The following CLSTN2 variants were observed in gnomAD, a reference collection of about 807,000 sequenced individuals.
CLSTN2 encodes calsyntenin 2.
A neutral mutation model predicts 101.2 loss-of-function variants in CLSTN2; 48 were observed. That is an observed-to-expected ratio of 0.47 (90% CI 0.38 to 0.60). CLSTN2 has a LOEUF of 0.60. Among genes scored for constraint, CLSTN2 ranks in the 20% least tolerant of loss-of-function variants. CLSTN2 has a pLI of 0.00. For synonymous variants in CLSTN2, 481 were observed against 463.6 expected, an observed-to-expected ratio of 1.04 and a Z score of -0.48; for missense variants, 1,160 against 1,238.2, an observed-to-expected ratio of 0.94 and a Z score of 0.95.
At chr3:140,199,179 A>G (rs2010687351) in intron 2 of CLSTN2, among the ~76,000 whole-genome samples, 1 of 152,164 alleles carries the variant, frequency 6.6e-6, no homozygotes, top group South Asian at 2.1e-4. Flanking sequence ...TACGCAGAAT[A>G]TTGCATCAGA....
At chr3:140,478,827 G>A (rs575245) in intron 8 of CLSTN2, among the ~76,000 whole-genome samples, 36,464 of 146,748 alleles carry the variant, frequency 0.25, 4,722 homozygotes, top group African/African-American at 0.33. Context: ...GGGAGGGAGG[G>A]ATGGAAGAGG....
chr3:140,298,638 A>G (rs2087025943), intron 2 of CLSTN2, among the ~76,000 whole-genome samples: 1 of 152,214 alleles, frequency 6.6e-6, no homozygotes, highest in Admixed American at 6.5e-5. Flanking sequence ...GGATCACACA[A>G]GAAGACTCAT....
chr3:140,489,938 G>A (rs914793819), intron 8 of CLSTN2, among the ~76,000 whole-genome samples: 3 of 147,958 alleles, frequency 2.0e-5, no homozygotes, highest in Non-Finnish European at 3.0e-5. Context: ...GGTACAGGTC[G>A]TTAGTCTATA....
intron 1 of CLSTN2, among the ~76,000 whole-genome samples, chr3:140,169,061 A>G (rs556400504): frequency 1.3e-5 from 2 of 152,168 alleles, no homozygotes; most frequent in Non-Finnish European, 2.9e-5. Flanking sequence ...GTTACATTAA[A>G]TCTATATATC....
intron 1 of CLSTN2, among the ~76,000 whole-genome samples, chr3:140,086,659 T>C (rs545454165): frequency 2.8e-4 from 43 of 152,334 alleles, no homozygotes; most frequent in Non-Finnish European, 4.1e-4. Context: ...CACTTTCTTT[T>C]CTAAGTGCTC....
chr3:140,097,729 A>T (rs541670104), intron 1 of CLSTN2, among the ~76,000 whole-genome samples: 1 of 152,316 alleles, frequency 6.6e-6, no homozygotes, highest in South Asian at 2.1e-4. Context: ...TGATATTAAA[A>T]TCTACAGATG....
intron 1 of CLSTN2, among the ~76,000 whole-genome samples, chr3:140,038,031 G>T (rs530370824): frequency 4.6e-5 from 7 of 152,250 alleles, no homozygotes; most frequent in African/African-American, 1.7e-4. Flanking sequence ...CTCTATAACA[G>T]AATGATTTAT....
intron 7 of CLSTN2, among the ~76,000 whole-genome samples, chr3:140,461,955 G>T (rs539704090): frequency 7.2e-6 from 1 of 139,140 alleles, no homozygotes; most frequent in Non-Finnish European, 1.6e-5. Flanking sequence ...AAAAAATCCA[G>T]AATAAATGAA....
At chr3:140,496,615 C>G (rs918627060) in intron 8 of CLSTN2, among the ~76,000 whole-genome samples, 1 of 152,132 alleles carries the variant, frequency 6.6e-6, no homozygotes, top group African/African-American at 2.4e-5. Context: ...ATAGATGGCT[C>G]TTAGTATTTT....
intron 10 of CLSTN2, among the ~76,000 whole-genome samples, chr3:140,555,705 G>A (rs925097890): frequency 5.9e-5 from 9 of 152,094 alleles, no homozygotes; most frequent in Non-Finnish European, 1.2e-4. Flanking sequence ...TTGCTCAAAC[G>A]AGTGTCAAAG....
intron 2 of CLSTN2, among the ~76,000 whole-genome samples, chr3:140,278,911 G>C (rs562917449): frequency 6.6e-6 from 1 of 152,154 alleles, no homozygotes; most frequent in African/African-American, 2.4e-5. Flanking sequence ...TCTAGAGACA[G>C]GGTCTCACTA....
At chr3:140,179,045 T>C (rs1188549632) in intron 2 of CLSTN2, among the ~76,000 whole-genome samples, 1 of 152,186 alleles carries the variant, frequency 6.6e-6, no homozygotes, top group Admixed American at 6.5e-5. Flanking sequence ...ACACATATCA[T>C]TTAGAATCAT....
chr3:140,421,167 ACCAGTATGAGAT>A lies in CLSTN2; in HGVS notation c.683_694del (p.Gln228_Ile231del). 6.2e-7 allele frequency: 1 copy of A among 1,614,104 alleles called. No homozygotes were observed. The highest frequency in any genetic ancestry group is 8.5e-7 in the Non-Finnish European group (1 of 1,179,992). Reference sequence around the variant, plus strand: ...GAGAAGCTGAGCTATGACAAACAACACCAGTATGAGATCCTGGTGACCGCCTACGACTGTGGA... The same window carrying A: ...GAGAAGCTGAGCTATGACAAACAACACCTGGTGACCGCCTACGACTGTGGA... On this transcript the variant is annotated inframe_deletion, in exon 5 of 17. Coordinates refer to ENST00000458420, the MANE Select transcript of CLSTN2 (RefSeq NM_022131.3).
At chr3:140,289,369 C>A (rs895858321) in intron 2 of CLSTN2, among the ~76,000 whole-genome samples, 7 of 150,592 alleles carry the variant, frequency 4.6e-5, no homozygotes, top group Admixed American at 2.0e-4. Flanking sequence ...TGCAGGGGGG[C>A]GGGGAGAGGA....
intron 8 of CLSTN2, among the ~76,000 whole-genome samples, chr3:140,474,959 C>CATG (rs1359358747): frequency 5.4e-5 from 7 of 129,524 alleles, no homozygotes; most frequent in Admixed American, 7.8e-5. Context: ...AAGAAGCCCC[C>CATG]ACTACACGCA....
intron 8 of CLSTN2, among the ~76,000 whole-genome samples, chr3:140,502,795 G>C (rs1934608186): frequency 1.3e-5 from 2 of 152,198 alleles, no homozygotes; most frequent in South Asian, 4.1e-4. Flanking sequence ...ATCAGTTTGT[G>C]TAGAGAAGCA....
chr3:140,438,531 C>G (rs1185557723), intron 5 of CLSTN2, among the ~76,000 whole-genome samples: 1 of 140,828 alleles, frequency 7.1e-6, no homozygotes, highest in Non-Finnish European at 1.5e-5. Context: ...CATAAGCCAT[C>G]TTTTCAAAAA....
intron 8 of CLSTN2, among the ~76,000 whole-genome samples, chr3:140,493,828 A>G (rs1439551102): frequency 2.0e-5 from 3 of 152,240 alleles, no homozygotes; most frequent in African/African-American, 7.2e-5. Flanking sequence ...TTAGCCATAC[A>G]GCTCATTAAC....
At chr3:140,187,235 G>A (rs1043925472) in intron 2 of CLSTN2, among the ~76,000 whole-genome samples, 2 of 152,126 alleles carry the variant, frequency 1.3e-5, no homozygotes, top group African/African-American at 2.4e-5. Context: ...CCTGAGATGA[G>A]CCTCCACACC....
Sources: allele counts gnomAD v4.1 joint callset (sites outside exome capture counted in the v4.1 genomes callset), GRCh38; gene constraint gnomAD v4.1.1; transcripts MANE v1.5; gene names NCBI Gene and HGNC (gene_info 2026-07-23, HGNC 2026-07-21).